Variants in TPM1 observed in about 807,000 individuals in gnomAD.
TPM1 encodes the protein tropomyosin alpha-1 chain.
In TPM1, 24 loss-of-function variants were observed where a neutral mutation model predicts 42.9. The observed-to-expected ratio is 0.56, with a 90% CI of 0.41 to 0.79. TPM1 has a LOEUF of 0.79. TPM1 is among the 30% of genes least tolerant of loss of function. The pLI, the probability that TPM1 is intolerant of heterozygous loss-of-function variation, is 0.00. For missense variants in TPM1, 158 were observed against 351.8 expected, an observed-to-expected ratio of 0.45 and a Z score of 4.41; for synonymous variants, 136 against 130.1, an observed-to-expected ratio of 1.05 and a Z score of -0.31.
At position 63,059,763 on chromosome 15, in the gene TPM1, C is replaced by T. The variant is rs1297183663; in HGVS notation, c.492+83C>T. On this transcript the variant is annotated intron_variant, in intron 4 of 9. Transcript: ENST00000403994. ...GGGAGCAATGTACAGTCTTGATTCC[C>T]GAGTGAGGCCATCTGCTTTGTTGGC... 9.4e-6 allele frequency: 9 copies of T among 958,972 alleles called. No individual in the cohort carries two copies. In the East Asian group the frequency reaches 1.4e-4, roughly 15 times the overall value. 59.4% of individuals were successfully genotyped at this position (958,972 alleles called of 1,614,324 possible). A position where few individuals can be genotyped will look rare whatever the true frequency, so the allele number is the denominator to read the frequency against.
intron 2 of TPM1, chr15:63,044,486 A>G (rs1254336140): frequency 1.2e-5 from 7 of 580,880 alleles, no homozygotes. Context: ...TGTCATCACC[A>G]AGGTTTGTGT....
intron 2 of TPM1, among the ~76,000 whole-genome samples, chr15:63,053,685 TTTTTTTTG>T (rs1474093595): frequency 2.9e-4 from 23 of 78,394 alleles, no homozygotes; most frequent in African/African-American, 1.1e-3. Flanking sequence ...TTTTTTTTTT[TTTTTTTTG>T]TTTTTGAGAC....
downstream of TPM1, chr15:63,066,309 A>C (rs1473275400): frequency 1.6e-6 from 1 of 617,958 alleles, no homozygotes; most frequent in Non-Finnish European, 2.2e-6. Context: ...ATTCCCTCTC[A>C]GAGTTCTGAT....
intron 5 of TPM1, chr15:63,061,322 T>A (rs532064483): frequency 1.3e-4 from 198 of 1,583,350 alleles, no homozygotes; most frequent in Admixed American, 5.7e-4. Flanking sequence ...CCCAGACATC[T>A]TTCAGCTTCC....
In TPM1 at chr15:63,066,106, A is replaced by T; in HGVS notation, c.*207A>T. On this transcript the variant is annotated 3_prime_UTR_variant, in exon 10 of 10. Coordinates refer to ENST00000403994, the MANE Select transcript of TPM1 (RefSeq NM_001018005.2). ...ACTGTGTAAGCTATTTCTGTTTGCT[A>T]TTCTTTTTACTTCTTATTTATTGAC... is the stretch of plus-strand genomic sequence containing the variant. 1 of 1,495,226 alleles carries T rather than the reference A, an allele frequency of 6.7e-7. No individual in the cohort carries two copies. Among genetic ancestry groups the T allele is most frequent in the Non-Finnish European group, 8.8e-7 (1 of 1,131,418 alleles). The allele number at this position is 1,495,226 out of a possible 1,614,324, so 92.6% of individuals were successfully genotyped here.
At chr15:63,070,180 G>T (rs2414814), downstream of TPM1, 59,828 of 1,315,360 alleles carry the variant, frequency 0.045, 1,728 homozygotes, top group East Asian at 0.14. Context: ...TATCAATTCA[G>T]CACTGCTCCT....
At chr15:63,069,874 A>C, downstream of TPM1, 1 of 1,614,020 alleles carries the variant, frequency 6.2e-7, no homozygotes, top group Non-Finnish European at 8.5e-7. Flanking sequence ...GTACAGATCA[A>C]CTCTACCAGC....
At chr15:63,043,695 G>A (rs2031715852) in intron 1 of TPM1, 2 of 1,543,802 alleles carry the variant, frequency 1.3e-6, no homozygotes, top group South Asian at 1.2e-5. Flanking sequence ...CCCGCCCGCC[G>A]CTGCCCCCAG....
chr15:63,057,464 A>G (rs1031446587), intron 3 of TPM1, among the ~76,000 whole-genome samples: 6 of 152,234 alleles, frequency 3.9e-5, no homozygotes, highest in African/African-American at 1.4e-4. Flanking sequence ...GCAATTGTGC[A>G]TTTTTTAAAG....
intron 2 of TPM1, among the ~76,000 whole-genome samples, chr15:63,054,813 T>C (rs530962275): frequency 5.3e-5 from 8 of 152,358 alleles, no homozygotes; most frequent in African/African-American, 1.7e-4. Flanking sequence ...CTTTTTGTTG[T>C]TGTAGGGCTT....
intron 3 of TPM1, 45 bp from the exon 4 acceptor site, chr15:63,059,518 G>C (rs747145626): frequency 5.9e-6 from 9 of 1,513,830 alleles, no homozygotes; most frequent in Non-Finnish European, 5.5e-6. Context: ...CATTTGGGAA[G>C]TTCAGCTCTA....
chr15:63,064,281 A>G, intron 9 of TPM1, 139 bp downstream of exon 9: 2 of 1,531,654 alleles, frequency 1.3e-6, no homozygotes, highest in South Asian at 1.2e-5. Flanking sequence ...TAGAATAGTC[A>G]TTGTTTTTTC....
intron 2 of TPM1, chr15:63,044,545 G>T: frequency 2.2e-6 from 1 of 451,558 alleles, no homozygotes; most frequent in Non-Finnish European, 4.0e-6. Flanking sequence ...CGTTTCCAGT[G>T]GGTGGGAAGT....
chr15:63,062,481 G>C lies in TPM1; in HGVS notation c.703-95G>C. 14 of 1,439,040 alleles carry C rather than the reference G, an allele frequency of 9.7e-6. 1 individual carries two copies. The South Asian group carries it at 1.6e-4, about 17-fold the overall frequency. 89.1% of individuals were successfully genotyped at this position (1,439,040 alleles called of 1,614,324 possible). A position where few individuals can be genotyped will look rare whatever the true frequency, so the allele number is the denominator to read the frequency against. On this transcript the variant is annotated intron_variant, in intron 7 of 9. Transcript: ENST00000403994. ...AAGTAGTTTCTGATCCATTTTATAGGTGATGTGCTTCATTTTCATCCTCTA... is the reference window on the plus strand; with the variant it reads ...AAGTAGTTTCTGATCCATTTTATAGCTGATGTGCTTCATTTTCATCCTCTA...
Position 63,066,046 on chromosome 15 carries a change from T to C in TPM1, c.*147T>C. ...GCCAGGCACACACTGTGCTTTCTAT[T>C]GTACAGAAGCTCTTCGTTTCAGTGT... is the stretch of plus-strand genomic sequence containing the variant. On this transcript the variant is annotated 3_prime_UTR_variant, in exon 10 of 10. Coordinates refer to ENST00000403994, the MANE Select transcript of TPM1 (RefSeq NM_001018005.2). 1.9e-6 allele frequency: 3 copies of C among 1,544,794 alleles called. No homozygotes were observed. Among genetic ancestry groups the C allele is most frequent in the Non-Finnish European group, 2.6e-6 (3 of 1,147,194 alleles).
At chr15:63,059,526 C>T (rs1439199441) in intron 3 of TPM1, 37 bp from the exon 4 acceptor site, 1 of 1,566,404 alleles carries the variant, frequency 6.4e-7, no homozygotes, top group East Asian at 2.3e-5. Flanking sequence ...AAGTTCAGCT[C>T]TAAATCTTGG....
intron 8 of TPM1, chr15:63,063,189 A>G: frequency 2.0e-6 from 2 of 985,434 alleles, no homozygotes; most frequent in Non-Finnish European, 2.4e-6. Context: ...AGTAATAACC[A>G]CTCTATCTCA....
At chr15:63,070,266 A>G (rs1284241260), downstream of TPM1, 2 of 1,159,202 alleles carry the variant, frequency 1.7e-6, no homozygotes, top group Non-Finnish European at 2.1e-6. Flanking sequence ...ATTTCCTGAC[A>G]GCCATGAGTC....
intron 1 of TPM1, chr15:63,043,573 C>T: frequency 1.4e-6 from 2 of 1,398,226 alleles, no homozygotes; most frequent in Non-Finnish European, 2.0e-6. Flanking sequence ...AGGAAGTTAC[C>T]TCGGGTCCTT....
Sources: gnomAD v4.1 joint callset for allele counts (sites outside exome capture counted in the v4.1 genomes callset) on GRCh38, gnomAD v4.1.1 for gene constraint, MANE v1.5 for transcripts, NCBI Gene and HGNC (gene_info 2026-07-23, HGNC 2026-07-21) for gene names.